DCAF8L2: variants seen among roughly 807,000 people sequenced by gnomAD.
The protein encoded by DCAF8L2 is DDB1 and CUL4 associated factor 8 like 2.
For synonymous variants in DCAF8L2, 200 were observed against 190.9 expected (o/e 1.05, Z -0.39); for missense variants, 430 against 490.7 (o/e 0.88, Z 1.17).
At chrX:27,532,060 T>C in the DCAF8L2 span, among the ~76,000 whole-genome samples, 3 of 97,263 alleles carry the variant, frequency 3.1e-5, no homozygotes, top group African/African-American at 1.2e-4. Flanking sequence ...TAAATTGATA[T>C]CGATATATAT....
intron 2 of DCAF8L2, among the ~76,000 whole-genome samples, chrX:27,638,483 C>A (rs1205766606): frequency 8.9e-6 from 1 of 111,877 alleles, no homozygotes; most frequent in African/African-American, 3.3e-5. Flanking sequence ...TGGATTTGCC[C>A]TTACTCAGAT....
At chrX:27,504,491 T>C in the DCAF8L2 span, among the ~76,000 whole-genome samples, 1 of 111,632 alleles carries the variant, frequency 9.0e-6, no homozygotes, top group Non-Finnish European at 1.9e-5. Flanking sequence ...CAATCAGTCT[T>C]ATGTCCATGT....
chrX:27,745,131 C>G (rs752918994), intron 4 of DCAF8L2, among the ~76,000 whole-genome samples: 4 of 111,639 alleles, frequency 3.6e-5, no homozygotes, highest in Non-Finnish European at 7.5e-5. Flanking sequence ...AATTACTATG[C>G]AATATATCAT....
At chrX:27,706,087 A>T (rs1025716468) in intron 3 of DCAF8L2, among the ~76,000 whole-genome samples, 1 of 110,992 alleles carries the variant, frequency 9.0e-6, no homozygotes, top group African/African-American at 3.3e-5. Context: ...CAGCTTTGTC[A>T]AAGACCAGAT....
chrX:27,561,451 T>C, the DCAF8L2 span, among the ~76,000 whole-genome samples: 2 of 111,878 alleles, frequency 1.8e-5, no homozygotes, highest in Admixed American at 9.5e-5. Context: ...ATAATTCTTA[T>C]GTTATATATA....
chrX:27,522,512 T>C, the DCAF8L2 span, among the ~76,000 whole-genome samples: 1 of 112,231 alleles, frequency 8.9e-6, no homozygotes, highest in Non-Finnish European at 1.9e-5. Context: ...ATTACAGTAC[T>C]GTTAACTATA....
At chrX:27,705,923 G>T (rs747478447) in intron 3 of DCAF8L2, among the ~76,000 whole-genome samples, 1 of 111,605 alleles carries the variant, frequency 9.0e-6, no homozygotes, top group African/African-American at 3.3e-5. Flanking sequence ...ACAGATTTAG[G>T]TTTTACATTT....
chrX:27,513,703 C>CA, the DCAF8L2 span, among the ~76,000 whole-genome samples: 974 of 64,208 alleles, frequency 0.015, 7 homozygotes, highest in Admixed American at 0.021. Flanking sequence ...GACTCAGTCT[C>CA]AAAAAAAAAA....
At chrX:27,502,333 AAAATATATAT>A in the DCAF8L2 span, among the ~76,000 whole-genome samples, 4 of 23,303 alleles carry the variant, frequency 1.7e-4, no homozygotes, top group African/African-American at 5.4e-4. Flanking sequence ...AAAAAAAAAA[AAAATATATAT>A]ATATATATAT....
chrX:27,644,316 G>C (rs1282229310), intron 2 of DCAF8L2, among the ~76,000 whole-genome samples: 1 of 112,092 alleles, frequency 8.9e-6, no homozygotes, highest in Admixed American at 9.5e-5. Flanking sequence ...AGTAGCAACA[G>C]TTTTCAATGA....
At chrX:27,502,335 A>AAAAAAAAAAATATAT in the DCAF8L2 span, among the ~76,000 whole-genome samples, 1 of 12,716 alleles carries the variant, frequency 7.9e-5, no homozygotes, top group African/African-American at 2.2e-4. Flanking sequence ...AAAAAAAAAA[A>AAAAAAAAAAATATAT]ATATATATAT....
chrX:27,654,691 G>T (rs1433991262), intron 2 of DCAF8L2, among the ~76,000 whole-genome samples: 1 of 111,468 alleles, frequency 9.0e-6, no homozygotes, highest in East Asian at 2.8e-4. Flanking sequence ...TTTTCAGTGT[G>T]TCACACTGCT....
chrX:27,692,518 G>C (rs1271728990), intron 3 of DCAF8L2, among the ~76,000 whole-genome samples: 2 of 111,407 alleles, frequency 1.8e-5, no homozygotes, highest in Non-Finnish European at 3.8e-5. Flanking sequence ...ATATTATCTA[G>C]AGAAGACTTT....
the DCAF8L2 span, among the ~76,000 whole-genome samples, chrX:27,557,897 G>A: frequency 6.3e-5 from 7 of 111,197 alleles, no homozygotes; most frequent in African/African-American, 2.0e-4. Context: ...AAATTCCAGT[G>A]GCCATCTCTA....
chrX:27,694,989 T>C (rs1930842246), intron 3 of DCAF8L2, among the ~76,000 whole-genome samples: 2 of 111,907 alleles, frequency 1.8e-5, no homozygotes, highest in African/African-American at 6.5e-5. Context: ...ACATAATGGG[T>C]TTTAAATTGC....
the DCAF8L2 span, among the ~76,000 whole-genome samples, chrX:27,470,229 G>A: frequency 8.9e-5 from 10 of 112,260 alleles, no homozygotes; most frequent in Admixed American, 5.7e-4. Flanking sequence ...TATCAAATAC[G>A]TAGGTGAGAA....
At chrX:27,515,022 G>A in the DCAF8L2 span, among the ~76,000 whole-genome samples, 4 of 111,699 alleles carry the variant, frequency 3.6e-5, no homozygotes, top group African/African-American at 1.3e-4. Context: ...AAGATAGATA[G>A]AAGACTTTGA....
rs780658256 is a variant in DCAF8L2, at chrX:27,748,658, C to T, written c.1763C>T (p.Thr588Met). Reference sequence around the variant, plus strand: ...CTTTGGTTCCTCCTGCGTCACGTGACGCAGAGAGGTCGTCACCAGGACTGG... The same window carrying T: ...CTTTGGTTCCTCCTGCGTCACGTGATGCAGAGAGGTCGTCACCAGGACTGG... ...YMLWFLLRHV[T>M]QRGRHQDWRS... The change falls in exon 5 of 5, where the codon ACG (threonine) becomes ATG (methionine). Residue 588 changes from threonine to methionine, a missense_variant. Thr to Met is a moderately conservative substitution (Grantham distance 81). Coordinates refer to ENST00000451261, the MANE Select transcript of DCAF8L2 (RefSeq NM_001353450.2). 121 of 1,197,524 alleles carry T rather than the reference C, an allele frequency of 1.0e-4. No homozygotes were observed. The highest frequency in any genetic ancestry group is 1.4e-4 in the Non-Finnish European group (120 of 887,392).
At chrX:27,503,609 G>T in the DCAF8L2 span, among the ~76,000 whole-genome samples, 1 of 110,941 alleles carries the variant, frequency 9.0e-6, no homozygotes, top group Non-Finnish European at 1.9e-5. Flanking sequence ...ACATATTGGT[G>T]TGGGTCTACT....
Sources: gnomAD v4.1 joint callset for allele counts (sites outside exome capture counted in the v4.1 genomes callset) on GRCh38, gnomAD v4.1.1 for gene constraint, MANE v1.5 for transcripts, NCBI Gene and HGNC (gene_info 2026-07-23, HGNC 2026-07-21) for gene names.